Variants in DMXL1 observed in about 807,000 individuals in gnomAD.
The protein encoded by DMXL1 is dmX-like protein 1.
DMXL1 carries 99 observed loss-of-function variants against 319.2 expected under a neutral mutation model. The observed-to-expected ratio is 0.31, with a 90% CI of 0.26 to 0.37. The LOEUF (loss-of-function observed/expected upper bound fraction) is 0.37, where lower values mean the gene tolerates loss of function less well. DMXL1 is among the 10% of genes least tolerant of loss of function. The pLI is 1.00. For missense variants in DMXL1, 3,745 were observed against 3,595.6 expected, an observed-to-expected ratio of 1.04 and a Z score of -1.06; for synonymous variants, 1,385 against 1,235.2, an observed-to-expected ratio of 1.12 and a Z score of -2.54.
At chr5:119,144,009 T>A in intron 14 of DMXL1, 79 bp downstream of exon 14, 1 of 891,480 alleles carries the variant, frequency 1.1e-6, no homozygotes, top group Non-Finnish European at 1.7e-6. Flanking sequence ...TATATTAATG[T>A]AATTTGAAAA....
At chr5:119,114,787 G>T (rs1206941538) in intron 6 of DMXL1, among the ~76,000 whole-genome samples, 1 of 152,094 alleles carries the variant, frequency 6.6e-6, no homozygotes, top group Non-Finnish European at 1.5e-5. Flanking sequence ...TCCTGCCTCA[G>T]CCTCTCAAGT....
Position 119,071,456 on chromosome 5 carries a change from C to T in DMXL1, c.-114C>T, listed in dbSNP as rs546807045. On this transcript the variant is annotated 5_prime_UTR_variant, in exon 1 of 44. Coordinates refer to ENST00000539542, the MANE Select transcript of DMXL1 (RefSeq NM_001290321.3). ...CGGCTCCAGGCGCCTGTCGCTGCTT[C>T]TGCCGTCGCCACCGAAGAGCGGCCG... The T allele has an allele frequency of 5.1e-5, 54 of 1,053,726 alleles. No individual in the cohort carries two copies. The East Asian group carries it at 1.2e-3, about 24-fold the overall frequency. The allele number at this position is 1,053,726 out of a possible 1,614,324, so 65.3% of individuals were successfully genotyped here. A position where few individuals can be genotyped will look rare whatever the true frequency, so the allele number is the denominator to read the frequency against.
chr5:119,144,443 A>T, intron 14 of DMXL1, 93 bp from the exon 15 acceptor site: 1 of 923,602 alleles, frequency 1.1e-6, no homozygotes, highest in Non-Finnish European at 1.7e-6. Flanking sequence ...TTCTGCCTTT[A>T]AATATCTCAT....
At chr5:119,132,118 T>G (rs1765033874) in intron 10 of DMXL1, among the ~76,000 whole-genome samples, 1 of 152,218 alleles carries the variant, frequency 6.6e-6, no homozygotes, top group South Asian at 2.1e-4. Context: ...ATTTGATGAC[T>G]GGACTGTTTG....
Position 119,160,061 on chromosome 5 carries a change from T to C in DMXL1, c.4703-4446T>C, listed in dbSNP as rs1490154045. On this transcript the variant is annotated intron_variant, in intron 19 of 43. Transcript: ENST00000539542. ...TTTCTCCTCTGATTTTCATTTCCTT[T>C]CTTCTGCTAACTTTGGGCTGAGTTT... Among the ~76,000 whole-genome samples the C allele has an allele frequency of 5.9e-5, 9 of 152,244 alleles. No individual in the cohort carries two copies. In the East Asian group the frequency reaches 1.5e-3, roughly 26 times the overall value.
chr5:119,144,722 A>C, intron 15 of DMXL1, 84 bp downstream of exon 15: 2 of 825,340 alleles, frequency 2.4e-6, no homozygotes, highest in Non-Finnish European at 3.6e-6. Flanking sequence ...AAAATGCTTT[A>C]CATTGTCTAT....
chr5:119,178,539 A>G (rs1234876559), intron 28 of DMXL1: 11 of 882,838 alleles, frequency 1.2e-5, no homozygotes, highest in East Asian at 2.4e-4. Flanking sequence ...TTTTTGTTCT[A>G]TCCCAAATAC....
chr5:119,197,664 C>G, intron 31 of DMXL1, 91 bp from the exon 32 acceptor site: 1 of 1,135,840 alleles, frequency 8.8e-7, no homozygotes. Context: ...TTTCCTGCAT[C>G]TGCTCTCCCC....
intron 34 of DMXL1, 117 bp from the exon 35 acceptor site, chr5:119,216,784 T>C: frequency 4.6e-6 from 3 of 654,060 alleles, no homozygotes. Flanking sequence ...ACCTTTAGAA[T>C]TGAAATATCT....
At chr5:119,086,113 G>A (rs137929450) in intron 1 of DMXL1, among the ~76,000 whole-genome samples, 18 of 152,306 alleles carry the variant, frequency 1.2e-4, no homozygotes, top group African/African-American at 4.1e-4. Flanking sequence ...CACAATCATG[G>A]CTGAAGGTGA....
At chr5:119,085,254 C>A (rs1753101002) in intron 1 of DMXL1, among the ~76,000 whole-genome samples, 1 of 151,842 alleles carries the variant, frequency 6.6e-6, no homozygotes, top group Non-Finnish European at 1.5e-5. Context: ...TCGCTTGAAC[C>A]CGGGAGGCAG....
intron 1 of DMXL1, among the ~76,000 whole-genome samples, chr5:119,089,874 C>T (rs1754320084): frequency 1.3e-5 from 2 of 151,802 alleles, no homozygotes; most frequent in East Asian, 1.9e-4. Context: ...GATCCGCCCG[C>T]CTTGGCCTCC....
At position 119,114,471 on chromosome 5, in the gene DMXL1, A is replaced by G. The variant is rs754132090; in HGVS notation, c.498-4A>G. On this transcript the variant is annotated splice_region_variant and splice_polypyrimidine_tract_variant and intron_variant, in intron 5 of 43. Transcript: ENST00000539542. ...AAATTATTCCTTATCTGTTTAATTT[A>G]CAGAACTGCTTCCCAAGTTCATTTA... 1.9e-6 allele frequency: 3 copies of G among 1,598,082 alleles called. No homozygotes were observed. Among genetic ancestry groups the G allele is most frequent in the Non-Finnish European group, 2.6e-6 (3 of 1,170,636 alleles).
intron 34 of DMXL1, among the ~76,000 whole-genome samples, chr5:119,214,230 A>G (rs925905512): frequency 1.3e-5 from 2 of 152,122 alleles, no homozygotes; most frequent in African/African-American, 2.4e-5. Context: ...GCCTGACACT[A>G]GGATTCATCC....
intron 9 of DMXL1, chr5:119,128,207 A>G (rs78851227): frequency 0.023 from 9,657 of 421,818 alleles, 439 homozygotes; most frequent in African/African-American, 0.12. Flanking sequence ...CTGTGAGAAG[A>G]ATCTGGATAC....
intron 7 of DMXL1, among the ~76,000 whole-genome samples, chr5:119,117,075 C>G (rs1483495388): frequency 6.6e-6 from 1 of 152,182 alleles, no homozygotes; most frequent in Non-Finnish European, 1.5e-5. Context: ...GTCACCCAGA[C>G]TGGAGTGCGG....
chr5:119,102,151 A>C, intron 3 of DMXL1, 145 bp downstream of exon 3: 1 of 461,630 alleles, frequency 2.2e-6, no homozygotes. Flanking sequence ...TGATGTTAAA[A>C]ATATATTTAA....
chr5:119,157,587 C>G (rs1771383761), intron 19 of DMXL1, among the ~76,000 whole-genome samples: 1 of 152,052 alleles, frequency 6.6e-6, no homozygotes, highest in African/African-American at 2.4e-5. Context: ...CTATCCTTTC[C>G]CATTGTGTGT....
intron 7 of DMXL1, among the ~76,000 whole-genome samples, chr5:119,118,451 G>T (rs916842428): frequency 6.6e-6 from 1 of 152,152 alleles, no homozygotes; most frequent in African/African-American, 2.4e-5. Context: ...GATGTAAAAA[G>T]AATCTTATTG....
Sources: allele counts gnomAD v4.1 joint callset (sites outside exome capture counted in the v4.1 genomes callset), GRCh38; gene constraint gnomAD v4.1.1; transcripts MANE v1.5; gene names NCBI Gene and HGNC (gene_info 2026-07-23, HGNC 2026-07-21).